Variants in TMCC3 observed in about 807,000 individuals in gnomAD.
TMCC3 encodes the protein transmembrane and coiled-coil domain family 3, also known as transmembrane and coiled-coil domain protein 3.
A neutral mutation model predicts 40.2 loss-of-function variants in TMCC3; 28 were observed. The observed-to-expected ratio is 0.70, with a 90% CI of 0.52 to 0.95. The LOEUF is 0.95. Ranked by LOEUF, TMCC3 falls within the 40% of genes least tolerant of loss-of-function variation. The pLI is 0.00. For missense variants in TMCC3, 554 were observed against 615.2 expected, an observed-to-expected ratio of 0.90 and a Z score of 1.05; for synonymous variants, 255 against 248.5, an observed-to-expected ratio of 1.03 and a Z score of -0.25.
intron 1 of TMCC3, among the ~76,000 whole-genome samples, chr12:94,628,854 T>G (rs547780468): frequency 6.6e-6 from 1 of 152,206 alleles, no homozygotes; most frequent in Admixed American, 6.5e-5. Context: ...ACGAAGGGAC[T>G]AAAATCACTG....
At chr12:94,588,940 C>T (rs2068654887) in intron 1 of TMCC3, among the ~76,000 whole-genome samples, 1 of 151,946 alleles carries the variant, frequency 6.6e-6, no homozygotes, top group Admixed American at 6.6e-5. Flanking sequence ...TCTCCTGCCT[C>T]AGCCTCCCGA....
rs1421797365 is a variant in TMCC3 at position 94,650,397 on chromosome 12, G to A, written c.34C>T (p.Arg12Trp). The A allele has an allele frequency of 1.5e-6, 2 of 1,333,362 alleles. No homozygotes were observed. The highest frequency in any genetic ancestry group is 9.7e-7 in the Non-Finnish European group (1 of 1,033,574). The allele number at this position is 1,333,362 out of a possible 1,614,324, so 82.6% of individuals were successfully genotyped here. A position where few individuals can be genotyped will look rare whatever the true frequency, so the allele number is the denominator to read the frequency against. Residue 12 changes from arginine (R) to tryptophan (W), a missense_variant, in exon 1 of 4, where the codon CGG becomes TGG. Coordinates refer to ENST00000261226, the MANE Select transcript of TMCC3 (RefSeq NM_020698.4). The stretch of plus-strand genomic sequence containing the variant: ...TGCCGGCCGGGGTACGAGTAGGTCC[G>A]GTCCACGGTGAGCGCCGTGTCGCTG... The part of the protein sequence containing the change: ...PGSDTALTVD[R>W]TYSYPGRHHR...
Position 94,571,428 on chromosome 12 carries a change from A to G in TMCC3, c.*7T>C. ...TTGAAAGAACTTGAAGGCAGGAACC[A>G]GTGGCTTCATCTTGGTATTATCATC... On this transcript the variant is annotated 3_prime_UTR_variant, in exon 4 of 4. Transcript: ENST00000261226. 6.2e-7 allele frequency: 1 copy of G among 1,607,740 alleles called. No individual in the cohort carries two copies.
At chr12:94,645,676 G>A (rs1018177557) in intron 1 of TMCC3, among the ~76,000 whole-genome samples, 1 of 152,166 alleles carries the variant, frequency 6.6e-6, no homozygotes, top group Non-Finnish European at 1.5e-5. Context: ...CTGAACTCAA[G>A]TGATCTACCC....
intron 1 of TMCC3, among the ~76,000 whole-genome samples, chr12:94,644,070 C>G (rs937982321): frequency 3.3e-5 from 5 of 152,220 alleles, no homozygotes; most frequent in African/African-American, 9.7e-5. Context: ...TTCTTCCTTT[C>G]ACCTATGTTC....
intron 1 of TMCC3, among the ~76,000 whole-genome samples, chr12:94,596,305 A>T (rs150701249): frequency 2.0e-5 from 3 of 152,228 alleles, no homozygotes; most frequent in Non-Finnish European, 4.4e-5. Flanking sequence ...GTGACAGCTA[A>T]GAAGACACAG....
At chr12:94,642,841 T>C (rs995947423) in intron 1 of TMCC3, among the ~76,000 whole-genome samples, 12 of 152,166 alleles carry the variant, frequency 7.9e-5, no homozygotes, top group African/African-American at 2.4e-5. Flanking sequence ...CCAAGGGAAG[T>C]ACTGTGACAA....
At chr12:94,602,283 T>C (rs974350912) in intron 1 of TMCC3, among the ~76,000 whole-genome samples, 7 of 152,228 alleles carry the variant, frequency 4.6e-5, no homozygotes, top group African/African-American at 1.7e-4. Context: ...ATTGGTTTTT[T>C]AGTTGCAGAG....
intron 1 of TMCC3, among the ~76,000 whole-genome samples, chr12:94,609,010 C>T (rs1209595457): frequency 1.3e-5 from 2 of 152,130 alleles, no homozygotes; most frequent in Non-Finnish European, 1.5e-5. Flanking sequence ...CCCAGGAGTT[C>T]GAGACCAGCC....
chr12:94,576,685 G>A (rs969658374), intron 3 of TMCC3, among the ~76,000 whole-genome samples: 9 of 152,110 alleles, frequency 5.9e-5, no homozygotes, highest in Non-Finnish European at 1.3e-4. Context: ...GTCTCACTAT[G>A]TTGCCCAGGC....
chr12:94,647,141 T>C (rs1321659835), intron 1 of TMCC3, among the ~76,000 whole-genome samples: 1 of 152,228 alleles, frequency 6.6e-6, no homozygotes, highest in Non-Finnish European at 1.5e-5. Flanking sequence ...TGCTCTTTCT[T>C]CTAAAGTAGA....
chr12:94,578,606 C>A (rs552485823), intron 2 of TMCC3, 77 bp from the exon 3 acceptor site: 14 of 1,489,690 alleles, frequency 9.4e-6, no homozygotes, highest in South Asian at 8.9e-5. Context: ...TATCTTCCTG[C>A]GCCAGTACCT....
intron 1 of TMCC3, among the ~76,000 whole-genome samples, chr12:94,586,577 G>A (rs2068639583): frequency 6.6e-6 from 1 of 152,242 alleles, no homozygotes; most frequent in South Asian, 2.1e-4. Context: ...CTATTGAGAA[G>A]TCCACAACAA....
At position 94,624,410 on chromosome 12, in the gene TMCC3, A is replaced by G. The variant is rs543297326; in HGVS notation, c.78+25943T>C. Among the ~76,000 whole-genome samples, 3 of 152,302 alleles carry G rather than the reference A, an allele frequency of 2.0e-5. No homozygotes were observed. In the East Asian group the frequency reaches 5.8e-4, roughly 29 times the overall value. On this transcript the variant is annotated intron_variant, in intron 1 of 3. Coordinates refer to ENST00000261226, the MANE Select transcript of TMCC3 (RefSeq NM_020698.4). ...TCCACCAAATGTCACATATCCATACAATGAAATATTATTCAGCCATGGCCA... is the reference window on the plus strand; with the variant it reads ...TCCACCAAATGTCACATATCCATACGATGAAATATTATTCAGCCATGGCCA...
chr12:94,635,712 CTGGA>C (rs1291803073), intron 1 of TMCC3, among the ~76,000 whole-genome samples: 1 of 127,364 alleles, frequency 7.9e-6, no homozygotes, highest in Admixed American at 1.0e-4. Context: ...GTTGCCCAGG[CTGGA>C]TGGAGTGCAG....
chr12:94,573,217 C>CTCA (rs78104341), intron 3 of TMCC3, among the ~76,000 whole-genome samples: 61,527 of 151,606 alleles, frequency 0.41, 12,975 homozygotes, highest in Non-Finnish European at 0.44. Flanking sequence ...TGATACCCTT[C>CTCA]TCATCCAACC....
chr12:94,591,322 C>T (rs189831777), intron 1 of TMCC3, among the ~76,000 whole-genome samples: 2 of 152,016 alleles, frequency 1.3e-5, no homozygotes, highest in Admixed American at 1.3e-4. Flanking sequence ...TTTTCTAAAG[C>T]TCTTCAATAA....
intron 1 of TMCC3, among the ~76,000 whole-genome samples, chr12:94,637,841 T>A (rs1355756413): frequency 6.6e-6 from 1 of 152,194 alleles, no homozygotes; most frequent in Non-Finnish European, 1.5e-5. Flanking sequence ...CTTTCCAGCT[T>A]CTCAAGTCCC....
rs186040245 is a variant in TMCC3 at position 94,582,015 on chromosome 12, T to C, written c.602A>G (p.Asn201Ser). 7.0e-5 allele frequency: 113 copies of C among 1,614,184 alleles called. 2 individuals carry two copies. In the East Asian group the frequency reaches 1.2e-3, roughly 17 times the overall value. The change falls in exon 2 of 4, where the codon AAT (asparagine) becomes AGT (serine). Residue 201 changes from asparagine (N) to serine (S), a missense_variant. Transcript: ENST00000261226. ...VSLTPPVFVF[N>S]KSREFANLIR... ...CAGGTTGGCAAACTCTCTGGACTTATTGAAAACGAACACAGGTGGAGTAAG... is the reference window on the plus strand; with the variant it reads ...CAGGTTGGCAAACTCTCTGGACTTACTGAAAACGAACACAGGTGGAGTAAG...
Sources: allele counts gnomAD v4.1 joint callset (sites outside exome capture counted in the v4.1 genomes callset), GRCh38; gene constraint gnomAD v4.1.1; transcripts MANE v1.5; gene names NCBI Gene and HGNC (gene_info 2026-07-23, HGNC 2026-07-21).